The following MYO5B variants were observed in gnomAD, a reference collection of about 807,000 sequenced individuals.
MYO5B encodes unconventional myosin-Vb.
MYO5B carries 143 observed loss-of-function variants against 229.3 expected under a neutral mutation model. That is an observed-to-expected ratio of 0.62 (90% CI 0.54 to 0.72). The LOEUF (loss-of-function observed/expected upper bound fraction) is 0.72, where lower values mean the gene tolerates loss of function less well. Among genes scored for constraint, MYO5B ranks in the 30% least tolerant of loss-of-function variants. The pLI is 0.00. For synonymous variants in MYO5B, 918 were observed against 885.2 expected (o/e 1.04, Z -0.66); for missense variants, 2,321 against 2,331.0 (o/e 1.00, Z 0.09).
chr18:49,874,453 G>A (rs1206367193), intron 26 of MYO5B, among the ~76,000 whole-genome samples: 1 of 152,160 alleles, frequency 6.6e-6, no homozygotes, highest in African/African-American at 2.4e-5. Flanking sequence ...AATTCAATGA[G>A]TCATTTAGAA....
chr18:49,836,891 C>T lies in MYO5B; in HGVS notation c.5139-6G>A, dbSNP rs921974922. The T allele has an allele frequency of 2.5e-6, 4 of 1,613,616 alleles. No individual in the cohort carries two copies. The Admixed American group carries it at 5.0e-5, about 20-fold the overall frequency. The stretch of plus-strand genomic sequence containing the variant: ...CAAGCTGACTTATATTGTACCTTAG[C>T]CATAGGTAGAAAGCAAGCTATGTTA... On this transcript the variant is annotated splice_polypyrimidine_tract_variant and splice_region_variant and intron_variant, in intron 37 of 39. Coordinates refer to ENST00000285039, the MANE Select transcript of MYO5B (RefSeq NM_001080467.3).
chr18:49,982,048 A>G (rs1472151222), intron 8 of MYO5B, among the ~76,000 whole-genome samples: 2 of 152,108 alleles, frequency 1.3e-5, no homozygotes, highest in Admixed American at 6.6e-5. Context: ...AACAAGAAGG[A>G]TATACTCCCT....
chr18:50,054,202 C>G (rs1346226974), intron 2 of MYO5B, among the ~76,000 whole-genome samples: 1 of 152,182 alleles, frequency 6.6e-6, no homozygotes, highest in Non-Finnish European at 1.5e-5. Flanking sequence ...CCTGAATCTT[C>G]CATGGCCAGC....
intron 14 of MYO5B, among the ~76,000 whole-genome samples, chr18:49,951,749 C>G (rs1485882055): frequency 6.6e-6 from 1 of 152,186 alleles, no homozygotes; most frequent in African/African-American, 2.4e-5. Context: ...ACTGAGACAA[C>G]AGAGTTTTCT....
At chr18:50,136,098 G>A (rs1032769563) in intron 1 of MYO5B, among the ~76,000 whole-genome samples, 2 of 152,158 alleles carry the variant, frequency 1.3e-5, no homozygotes, top group Admixed American at 6.5e-5. Flanking sequence ...CGTCTGTCAC[G>A]CATACAGCTT....
rs150977171 is a variant in MYO5B, at chr18:50,144,060, T to C, written c.27+50707A>G. On this transcript the variant is annotated intron_variant, in intron 1 of 39. Transcript: ENST00000285039. ...ACACTCAGGTGTTGTGAAAATGTCTTCTGGGCATGTAACATCACAGTGAGT... is the reference window on the plus strand; with the variant it reads ...ACACTCAGGTGTTGTGAAAATGTCTCCTGGGCATGTAACATCACAGTGAGT... Among the ~76,000 whole-genome samples the C allele has an allele frequency of 5.2e-3, 796 of 152,276 alleles. 9 individuals are homozygous for C. Among genetic ancestry groups the C allele is most frequent in the African/African-American group, 0.016 (673 of 41,552 alleles).
intron 22 of MYO5B, among the ~76,000 whole-genome samples, chr18:49,887,831 C>T (rs1453312164): frequency 7.6e-6 from 1 of 131,324 alleles, no homozygotes; most frequent in East Asian, 2.2e-4. Flanking sequence ...CAGGCATGCA[C>T]CACCAAGCCC....
At chr18:50,049,227 G>C (rs2030326826) in intron 2 of MYO5B, among the ~76,000 whole-genome samples, 1 of 152,102 alleles carries the variant, frequency 6.6e-6, no homozygotes, top group South Asian at 2.1e-4. Flanking sequence ...CAAAGGTACA[G>C]ATATGTCATT....
chr18:50,039,152 G>A (rs2029925071), intron 3 of MYO5B, among the ~76,000 whole-genome samples: 1 of 152,266 alleles, frequency 6.6e-6, no homozygotes, highest in East Asian at 1.9e-4. Flanking sequence ...AGACCACAAA[G>A]GAGCGACTCC....
rs114845171 is a variant in MYO5B at position 49,880,776 on chromosome 18, C to T, written c.3046-321G>A. Among the ~76,000 whole-genome samples the T allele has an allele frequency of 3.1e-3, 474 of 152,298 alleles. 4 individuals are homozygous for T. The highest frequency in any genetic ancestry group is 9.8e-3 in the African/African-American group (407 of 41,562). ...TGTAGAGAGCTGAAGGCCTGTGGAT[C>T]GTGACCAAGTCAGCATTCCACTGAG... is the stretch of plus-strand genomic sequence containing the variant. On this transcript the variant is annotated intron_variant, in intron 22 of 39. Coordinates refer to ENST00000285039, the MANE Select transcript of MYO5B (RefSeq NM_001080467.3).
chr18:49,993,385 C>T (rs565638158), intron 5 of MYO5B, among the ~76,000 whole-genome samples: 2 of 152,000 alleles, frequency 1.3e-5, no homozygotes, highest in Admixed American at 6.5e-5. Context: ...CCACGATGCC[C>T]GGCAGCCATC....
At chr18:50,056,861 A>C (rs900457012) in intron 1 of MYO5B, among the ~76,000 whole-genome samples, 1 of 152,074 alleles carries the variant, frequency 6.6e-6, no homozygotes, top group African/African-American at 2.4e-5. Flanking sequence ...CCAGTCAATG[A>C]GAAAGCAAAC....
chr18:50,005,551 T>C (rs150591002), intron 4 of MYO5B, among the ~76,000 whole-genome samples: 94 of 152,324 alleles, frequency 6.2e-4, no homozygotes, highest in African/African-American at 2.0e-3. Flanking sequence ...GCTAGTATTA[T>C]AGGCATAGGC....
At chr18:50,094,885 T>C (rs1372125540) in intron 1 of MYO5B, among the ~76,000 whole-genome samples, 1 of 152,206 alleles carries the variant, frequency 6.6e-6, no homozygotes. Flanking sequence ...TTGAGTGCAG[T>C]GATGTGATCT....
chr18:49,876,633 T>G (rs945726110), intron 25 of MYO5B, among the ~76,000 whole-genome samples: 1 of 152,220 alleles, frequency 6.6e-6, no homozygotes, highest in South Asian at 2.1e-4. Context: ...TATGTCTACA[T>G]GTAGATAGTC....
chr18:50,178,134 G>A (rs2033022636), intron 1 of MYO5B, among the ~76,000 whole-genome samples: 1 of 152,170 alleles, frequency 6.6e-6, no homozygotes, highest in African/African-American at 2.4e-5. Flanking sequence ...AGGCTGAGTG[G>A]AAGACATCTC....
intron 1 of MYO5B, among the ~76,000 whole-genome samples, chr18:50,190,997 A>T (rs2144363645): frequency 6.6e-6 from 1 of 152,350 alleles, no homozygotes; most frequent in South Asian, 2.1e-4. Flanking sequence ...AGTTAAAAAT[A>T]AAAGGGAACA....
At chr18:50,062,362 C>T (rs1222430512) in intron 1 of MYO5B, among the ~76,000 whole-genome samples, 2 of 152,102 alleles carry the variant, frequency 1.3e-5, no homozygotes, top group African/African-American at 4.8e-5. Flanking sequence ...AGTATAAACT[C>T]CCTGTCCATT....
intron 1 of MYO5B, among the ~76,000 whole-genome samples, chr18:50,167,838 G>A (rs1198914448): frequency 6.6e-6 from 1 of 152,040 alleles, no homozygotes; most frequent in Non-Finnish European, 1.5e-5. Context: ...AATAAATCAA[G>A]CCAAGCCCAT....
Sources: allele counts gnomAD v4.1 joint callset (sites outside exome capture counted in the v4.1 genomes callset), GRCh38; gene constraint gnomAD v4.1.1; transcripts MANE v1.5; gene names NCBI Gene and HGNC (gene_info 2026-07-23, HGNC 2026-07-21).